Variants in IDS observed in about 807,000 individuals in gnomAD.
IDS encodes the protein iduronate 2-sulfatase, also known as alpha-L-iduronate sulfate sulfatase.
IDS carries 1 observed loss-of-function variant against 33.5 expected under a neutral mutation model. That is an observed-to-expected ratio of 0.03 (90% CI 0.01 to 0.14). The LOEUF is 0.14. Ranked by LOEUF, IDS falls within the 10% of genes least tolerant of loss-of-function variation. The pLI is 1.00. For synonymous variants in IDS, 191 were observed against 184.4 expected (o/e 1.04, Z -0.29); for missense variants, 328 against 448.0 (o/e 0.73, Z 2.42).
chrX:149,490,074 A>G (rs2089375650), intron 7 of IDS, among the ~76,000 whole-genome samples: 1 of 109,014 alleles, frequency 9.2e-6, no homozygotes, highest in Middle Eastern at 4.7e-3. Context: ...ATCAAGAAAA[A>G]AAAAAAAGTT....
rs1235541794 is a variant in IDS, at chrX:149,481,986, G to A, written c.*760C>T. On this transcript the variant is annotated 3_prime_UTR_variant, in exon 9 of 9. Coordinates refer to ENST00000340855, the MANE Select transcript of IDS (RefSeq NM_000202.8). ...TAATAGATGGCCATTGAGTTCAAGG[G>A]TCATATTATTTGCTAACAAATTATT... The A allele has an allele frequency of 8.9e-6, 1 of 112,123 alleles. No homozygotes were observed. The highest frequency in any genetic ancestry group is 1.9e-5 in the Non-Finnish European group (1 of 53,216). 9.2% of individuals were successfully genotyped at this position (112,123 alleles called of 1,213,427 possible).
chrX:149,483,152 A>C lies in IDS; in HGVS notation c.1247T>G (p.Leu416Arg), dbSNP rs1557337659. The C allele has an allele frequency of 8.3e-7, 1 of 1,211,274 alleles. No individual in the cohort carries two copies. Among genetic ancestry groups the C allele is most frequent in the Admixed American group, 2.2e-5 (1 of 45,974 alleles). Residue 416 changes from leucine (L) to arginine (R), a missense_variant, in exon 9 of 9, where the codon CTG (leucine) becomes CGG (arginine). Physicochemically the swap from Leu to Arg is moderately radical, Grantham distance 102 (BLOSUM62 -2). This residue lies in a region of IDS where 265 missense variants were observed against 339.2 expected (regional missense o/e 0.78). Transcript: ENST00000340855. ...LFPTLAGLAG[L>R]QVPPRCPVPS... is the part of the protein sequence containing the mutation. ...AACGGGGCAGCGAGGTGGAACCTGC[A>C]GTCCTGCAAGTCCAGCCAGCGTGGG... is the stretch of plus-strand genomic sequence containing the variant.
intron 1 of IDS, 78 bp downstream of exon 1, chrX:149,504,954 CAAA>C (rs2124068650): frequency 1.4e-6 from 1 of 737,485 alleles, no homozygotes. Flanking sequence ...TGGATATAAA[CAAA>C]GAAGGAAGGA....
intron 7 of IDS, among the ~76,000 whole-genome samples, chrX:149,489,829 GA>G (rs1409594655): frequency 9.0e-6 from 1 of 110,791 alleles, no homozygotes; most frequent in African/African-American, 3.3e-5. Flanking sequence ...TTCATTTTTG[GA>G]AAAGTAGGAA....
intron 8 of IDS, among the ~76,000 whole-genome samples, chrX:149,483,528 C>A (rs2089310535): frequency 9.0e-6 from 1 of 111,519 alleles, no homozygotes; most frequent in Non-Finnish European, 1.9e-5. Flanking sequence ...AAGGCTACAA[C>A]CACTAGGTAA....
Position 149,481,320 on chromosome X carries a change from C to T in IDS, c.*1426G>A, listed in dbSNP as rs1484003271. ...GTCACTTAACTGCTTAGAAGATCAC[C>T]GTGTTACCATATAACCTCTATTGTA... On this transcript the variant is annotated 3_prime_UTR_variant, in exon 9 of 9. Coordinates refer to ENST00000340855, the MANE Select transcript of IDS (RefSeq NM_000202.8). The T allele has an allele frequency of 3.6e-5, 4 of 112,144 alleles. No individual in the cohort carries two copies. Among genetic ancestry groups the T allele is most frequent in the East Asian group, 2.8e-4 (1 of 3,602 alleles). 9.2% of individuals were successfully genotyped at this position (112,144 alleles called of 1,213,427 possible). A position where few individuals can be genotyped will look rare whatever the true frequency, so the allele number is the denominator to read the frequency against.
At chrX:149,494,972 C>G (rs2089424141) in intron 6 of IDS, among the ~76,000 whole-genome samples, 1 of 111,522 alleles carries the variant, frequency 9.0e-6, no homozygotes, top group African/African-American at 3.3e-5. Flanking sequence ...ATTGGCTCCA[C>G]CCAGCACTAA....
At chrX:149,502,519 A>G (rs2089488213) in intron 3 of IDS, 1 of 135,746 alleles carries the variant, frequency 7.4e-6, no homozygotes, top group Non-Finnish European at 1.5e-5. Context: ...TGGGCTGGCC[A>G]GCTGAGCTCC....
Position 149,482,513 on chromosome X carries a change from A to G in IDS, c.*233T>C, listed in dbSNP as rs1057379856. On this transcript the variant is annotated 3_prime_UTR_variant, in exon 9 of 9. Transcript: ENST00000340855. ...AATAAGCCGTAACTGTTTTAAAAAG[A>G]GGGAAATTAAAAAAAAAACTGGTCC... 21 of 410,452 alleles carry G rather than the reference A, an allele frequency of 5.1e-5. No individual in the cohort carries two copies. Among genetic ancestry groups the G allele is most frequent in the Non-Finnish European group, 8.6e-5 (21 of 244,839 alleles). 33.8% of individuals were successfully genotyped at this position (410,452 alleles called of 1,213,427 possible).
At chrX:149,492,887 A>G (rs1253755288) in intron 6 of IDS, among the ~76,000 whole-genome samples, 1 of 109,963 alleles carries the variant, frequency 9.1e-6, no homozygotes, top group African/African-American at 3.3e-5. Flanking sequence ...GGCAGGGAGC[A>G]GAGGAGGAGG....
intron 1 of IDS, 40 bp from the exon 2 acceptor site, chrX:149,504,333 T>C: frequency 8.5e-7 from 1 of 1,175,261 alleles, no homozygotes; most frequent in Non-Finnish European, 1.1e-6. Context: ...TAACCTGCAC[T>C]GACACTGAAC....
intron 8 of IDS, among the ~76,000 whole-genome samples, chrX:149,484,546 T>G (rs1557337839): frequency 8.9e-6 from 1 of 112,709 alleles, no homozygotes; most frequent in East Asian, 2.8e-4. Flanking sequence ...GGTCTTGATC[T>G]CCTGACCTCG....
intron 6 of IDS, among the ~76,000 whole-genome samples, chrX:149,493,780 C>T (rs1262326004): frequency 2.7e-5 from 3 of 111,151 alleles, no homozygotes; most frequent in Non-Finnish European, 3.8e-5. Flanking sequence ...ATCCTGTGAA[C>T]GGCACATTAA....
intron 6 of IDS, among the ~76,000 whole-genome samples, chrX:149,494,621 G>T (rs6641322): frequency 0.4 from 43,799 of 110,394 alleles, 6,720 homozygotes; most frequent in African/African-American, 0.46. Flanking sequence ...AGCACATGCA[G>T]GCATCAGGGA....
rs1557340289 is a variant in IDS at position 149,503,503 on chromosome X, G to C, written c.241-14C>G. 9.6e-7 allele frequency: 1 copy of C among 1,042,579 alleles called. No individual in the cohort carries two copies. The allele number at this position is 1,042,579 out of a possible 1,213,427, so 85.9% of individuals were successfully genotyped here. On this transcript the variant is annotated splice_polypyrimidine_tract_variant and intron_variant, in intron 2 of 8. Transcript: ENST00000340855. ...GCACACTGCTTGCTGTTAGGGAGCA[G>C]AAGCAGAGGTAAGCATCGCCACAGC... is the stretch of plus-strand genomic sequence containing the variant.
At chrX:149,485,575 C>T (rs2124001744) in intron 8 of IDS, among the ~76,000 whole-genome samples, 1 of 112,083 alleles carries the variant, frequency 8.9e-6, no homozygotes, top group South Asian at 3.7e-4. Context: ...TGAAGTCCAG[C>T]TTTGGATATG....
intron 6 of IDS, among the ~76,000 whole-genome samples, chrX:149,491,959 C>G (rs1250419385): frequency 8.9e-6 from 1 of 112,321 alleles, no homozygotes; most frequent in African/African-American, 3.2e-5. Flanking sequence ...AGAGAGCAGC[C>G]CCGAGAAGCT....
At chrX:149,492,538 GTCCGGGCCAGA>G (rs2089402013) in intron 6 of IDS, among the ~76,000 whole-genome samples, 1 of 111,199 alleles carries the variant, frequency 9.0e-6, no homozygotes, top group Admixed American at 9.5e-5. Context: ...AGAAAGTTAG[GTCCGGGCCAGA>G]TAATATGGAC....
In IDS at chrX:149,487,105, C is replaced by G. The variant is rs2124006476; in HGVS notation, c.1007-7G>C. ...TGTTCACCTAGAGCCCACCCTAGTT[C>G]ATAAAAAGCACAGAATGACAGAAAA... On this transcript the variant is annotated splice_polypyrimidine_tract_variant and splice_region_variant and intron_variant, in intron 7 of 8. Coordinates refer to ENST00000340855, the MANE Select transcript of IDS (RefSeq NM_000202.8). The G allele has an allele frequency of 8.3e-7, 1 of 1,211,186 alleles. No individual in the cohort carries two copies.
Sources: gnomAD v4.1 joint callset for allele counts (sites outside exome capture counted in the v4.1 genomes callset) on GRCh38, gnomAD v4.1.1 for gene constraint, gnomAD v4.1.1 regional missense constraint, MANE v1.5 for transcripts, NCBI Gene and HGNC (gene_info 2026-07-23, HGNC 2026-07-21) for gene names.